OR2J3: variants seen among roughly 807,000 people sequenced by gnomAD.
OR2J3 encodes the protein olfactory receptor 2J3.
Under a neutral mutation model 18.5 loss-of-function variants are expected in OR2J3, and 13 were observed. The ratio of observed to expected loss-of-function variants is 0.70; its 90% CI spans 0.46 to 1.12. The LOEUF is 1.12. Among genes scored for constraint, OR2J3 ranks in the 50% most tolerant of loss-of-function variants. OR2J3 has a pLI of 0.00. For missense variants in OR2J3, 321 were observed against 371.6 expected, an observed-to-expected ratio of 0.86 and a Z score of 1.12; for synonymous variants, 142 against 140.6, an observed-to-expected ratio of 1.01 and a Z score of -0.07.
rs1211296679 is a variant in OR2J3, at chr6:29,113,256, A to G, written c.*430A>G. On this transcript the variant is annotated 3_prime_UTR_variant, in exon 4 of 4. Coordinates refer to ENST00000641151, the MANE Select transcript of OR2J3 (RefSeq NM_001005216.4). ...TTTGGGCAGAATACTTTTGTCTTCTATCTTTAGTTTAGTTAAATACACAGC... is the reference window on the plus strand; with the variant it reads ...TTTGGGCAGAATACTTTTGTCTTCTGTCTTTAGTTTAGTTAAATACACAGC... 1.2e-5 allele frequency: 2 copies of G among 165,972 alleles called. No individual in the cohort carries two copies. Among genetic ancestry groups the G allele is most frequent in the Non-Finnish European group, 2.6e-5 (2 of 76,912 alleles). 10.3% of individuals were successfully genotyped at this position (165,972 alleles called of 1,614,324 possible).
In OR2J3 at chr6:29,112,275, G is replaced by C; in HGVS notation, c.385G>C (p.Val129Leu). ...GATGTCCTATGACCGTTATGCAGCT[G>C]TGTGTAGACCTTTGCATTACACTGT... ...VVMSYDRYAAVCRPLHYTVLM... is the reference protein window; with the variant it reads ...VVMSYDRYAALCRPLHYTVLM... The change falls in exon 4 of 4, where the codon GTG becomes CTG. Residue 129 changes from valine (V) to leucine (L), a missense_variant. Physicochemically the swap from Val to Leu is conservative, Grantham distance 32. Coordinates refer to ENST00000641151, the MANE Select transcript of OR2J3 (RefSeq NM_001005216.4). 6.2e-7 allele frequency: 1 copy of C among 1,614,150 alleles called. No individual in the cohort carries two copies. The highest frequency in any genetic ancestry group is 8.5e-7 in the Non-Finnish European group (1 of 1,180,036).
chr6:29,108,862 CT>C lies in OR2J3; in HGVS notation c.-22del, dbSNP rs1167592640. 2.0e-5 allele frequency: 3 copies of C among 152,284 alleles called. No individual in the cohort carries two copies. The East Asian group carries it at 5.8e-4, about 29-fold the overall frequency. The allele number at this position is 152,284 out of a possible 1,614,324, so 9.4% of individuals were successfully genotyped here. A position where few individuals can be genotyped will look rare whatever the true frequency, so the allele number is the denominator to read the frequency against. ...AACCCAGAAAAATTCCTACCTTTTC[CT>C]TGCTTGCATCTGGTAAGTTTTTGTT... On this transcript the variant is annotated 5_prime_UTR_variant, in exon 3 of 4. Transcript: ENST00000641151.
At position 29,109,539 on chromosome 6, in the gene OR2J3, T is replaced by C. The variant is rs991733003; in HGVS notation, c.-11+664T>C. The C allele has an allele frequency of 3.3e-5, 5 of 152,138 alleles. 1 individual carries two copies. Among genetic ancestry groups the C allele is most frequent in the Admixed American group, 6.5e-5 (1 of 15,268 alleles). 9.4% of individuals were successfully genotyped at this position (152,138 alleles called of 1,614,324 possible). A position where few individuals can be genotyped will look rare whatever the true frequency, so the allele number is the denominator to read the frequency against. ...GGCCCCACAATGATTTCTTTCTTCCTGTGCCATAGCCAATTGGGAGGTATA... is the reference window on the plus strand; with the variant it reads ...GGCCCCACAATGATTTCTTTCTTCCCGTGCCATAGCCAATTGGGAGGTATA... On this transcript the variant is annotated intron_variant, in intron 3 of 3. Transcript: ENST00000641151.
rs748229667 is a variant in OR2J3, at chr6:29,112,381, C to G, written c.491C>G (p.Ser164Cys). ...SGFTNSALHSSFTFWVPLCGH... is the reference protein window; with the variant it reads ...SGFTNSALHSCFTFWVPLCGH... ...TTTACCAACTCAGCACTTCATTCCT[C>G]CTTCACCTTCTGGGTACCTCTGTGT... The change falls in exon 4 of 4, where the codon TCC becomes TGC. Residue 164 changes from serine to cysteine, a missense_variant. Transcript: ENST00000641151. The G allele has an allele frequency of 6.2e-7, 1 of 1,614,006 alleles. No homozygotes were observed. Among genetic ancestry groups the G allele is most frequent in the African/African-American group, 1.3e-5 (1 of 74,910 alleles).
At position 29,112,371 on chromosome 6, in the gene OR2J3, C is replaced by T. The variant is rs1399562852; in HGVS notation, c.481C>T (p.Leu161Phe). 2 of 1,614,078 alleles carry T rather than the reference C, an allele frequency of 1.2e-6. No individual in the cohort carries two copies. Among genetic ancestry groups the T allele is most frequent in the Non-Finnish European group, 1.7e-6 (2 of 1,180,000 alleles). Residue 161 changes from leucine (L) to phenylalanine (F), a missense_variant, in exon 4 of 4, where the codon CTT becomes TTT. Transcript: ENST00000641151. ...GGTAAGTGGTTTTACCAACTCAGCACTTCATTCCTCCTTCACCTTCTGGGT... is the reference window on the plus strand; with the variant it reads ...GGTAAGTGGTTTTACCAACTCAGCATTTCATTCCTCCTTCACCTTCTGGGT... ...SWVSGFTNSA[L>F]HSSFTFWVPL...
At chr6:29,111,504 G>A (rs7754180) in intron 3 of OR2J3, 1 of 172,374 alleles carries the variant, frequency 5.8e-6, no homozygotes, top group African/African-American at 2.4e-5. Flanking sequence ...TAACTAGAAA[G>A]TTGTGAGGAG....
chr6:29,109,061 A>G (rs1388947549), intron 3 of OR2J3, among the ~76,000 whole-genome samples, 186 bp downstream of exon 3: 1 of 152,198 alleles, frequency 6.6e-6, no homozygotes, highest in African/African-American at 2.4e-5. Flanking sequence ...GAGAGAAGGT[A>G]ACTATAACAT....
chr6:29,113,458 C>G lies in OR2J3; in HGVS notation c.*632C>G, dbSNP rs1762227080. The G allele has an allele frequency of 6.6e-6, 1 of 152,114 alleles. No individual in the cohort carries two copies. The highest frequency in any genetic ancestry group is 1.5e-5 in the Non-Finnish European group (1 of 68,078). The allele number at this position is 152,114 out of a possible 1,614,324, so 9.4% of individuals were successfully genotyped here. On this transcript the variant is annotated 3_prime_UTR_variant, in exon 4 of 4. Transcript: ENST00000641151. ...TAGCAGAAGTCAGCATCTGAGATCC[C>G]TCTTTTTTGCAAGGCAGTGAGAAAT...
Position 29,111,866 on chromosome 6 carries a change from T to G in OR2J3, c.-10-15T>G, listed in dbSNP as rs920167623. The G allele has an allele frequency of 6.4e-7, 1 of 1,557,594 alleles. No individual in the cohort carries two copies. The highest frequency in any genetic ancestry group is 8.6e-7 in the Non-Finnish European group (1 of 1,156,588). On this transcript the variant is annotated splice_polypyrimidine_tract_variant and intron_variant, in intron 3 of 3. Transcript: ENST00000641151. ...TACTCGTTTTTTGAGTTTACCTTTC[T>G]TTTTTTTCTCTCAGGTAATAGGAAA...
In OR2J3 at chr6:29,112,463, G is replaced by T; in HGVS notation, c.573G>T (p.Ser191=). The change falls in exon 4 of 4, where the codon TCG becomes TCT. Residue 191 remains serine, a synonymous_variant. Coordinates refer to ENST00000641151, the MANE Select transcript of OR2J3 (RefSeq NM_001005216.4). ...FCEVPALLRL[S]CVDTHVNELT... ...AAGTTCCAGCACTTCTGCGATTATC[G>T]TGTGTTGATACCCATGTCAATGAGC... 6.2e-7 allele frequency: 1 copy of T among 1,613,982 alleles called. No individual in the cohort carries two copies. The highest frequency in any genetic ancestry group is 8.5e-7 in the Non-Finnish European group (1 of 1,179,996).
Position 29,112,458 on chromosome 6 carries a change from T to C in OR2J3, c.568T>C (p.Leu190=). Residue 190 remains leucine (L), a synonymous_variant, in exon 4 of 4, where the codon TTA becomes CTA. Transcript: ENST00000641151. ...CTGTGAAGTTCCAGCACTTCTGCGA[T>C]TATCGTGTGTTGATACCCATGTCAA... The part of the protein sequence containing the change: ...FFCEVPALLR[L]SCVDTHVNEL... 1.2e-6 allele frequency: 2 copies of C among 1,614,140 alleles called. No homozygotes were observed. Among genetic ancestry groups the C allele is most frequent in the Non-Finnish European group, 1.7e-6 (2 of 1,180,026 alleles).
rs28757581 is a variant in OR2J3 at position 29,112,227 on chromosome 6, A to G, written c.337A>G (p.Thr113Ala). 201,690 of 1,613,856 alleles carry G rather than the reference A, an allele frequency of 0.12. 15,213 individuals are homozygous for G. Among genetic ancestry groups the G allele is most frequent in the African/African-American group, 0.35 (26,042 of 74,916 alleles). The change falls in exon 4 of 4, where the codon ACA (threonine) becomes GCA (alanine). Residue 113 changes from threonine (T) to alanine (A), a missense_variant. Transcript: ENST00000641151. Reference protein sequence around the residue: ...QLYFVLALGTTECVLLVVMSY... With the variant: ...QLYFVLALGTAECVLLVVMSY... ...TTACTTTGTTCTCGCACTGGGAACC[A>G]CAGAGTGTGTCCTACTGGTGGTGAT...
rs1562549661 is a variant in OR2J3 at position 29,112,712 on chromosome 6, C to G, written c.822C>G (p.Gly274=). The G allele has an allele frequency of 6.2e-7, 1 of 1,613,996 alleles. No homozygotes were observed. Among genetic ancestry groups the G allele is most frequent in the African/African-American group, 1.3e-5 (1 of 74,916 alleles). Residue 274 remains glycine (G), a synonymous_variant, in exon 4 of 4, where the codon GGC becomes GGG. Coordinates refer to ENST00000641151, the MANE Select transcript of OR2J3 (RefSeq NM_001005216.4). ...QPPSGNSQDQ[G]KFIALFYTVV... is the part of the protein sequence containing the mutation. ...CATCAGGAAATTCTCAAGATCAAGGCAAGTTCATTGCCCTCTTTTATACTG... is the reference window on the plus strand; with the variant it reads ...CATCAGGAAATTCTCAAGATCAAGGGAAGTTCATTGCCCTCTTTTATACTG...
chr6:29,111,386 T>C (rs1299503938), intron 3 of OR2J3, among the ~76,000 whole-genome samples: 1 of 152,186 alleles, frequency 6.6e-6, no homozygotes, highest in Non-Finnish European at 1.5e-5. Context: ...AGGCTCATGA[T>C]GTTGGTTTGT....
intron 3 of OR2J3, among the ~76,000 whole-genome samples, chr6:29,110,232 A>G (rs1762074791): frequency 6.6e-6 from 1 of 152,198 alleles, no homozygotes; most frequent in African/African-American, 2.4e-5. Flanking sequence ...CGTATCATGA[A>G]TACCCATATA....
chr6:29,110,851 CTATT>C (rs1349548250), intron 3 of OR2J3, among the ~76,000 whole-genome samples: 7 of 115,208 alleles, frequency 6.1e-5, no homozygotes, highest in Non-Finnish European at 9.4e-5. Context: ...AACTATCTAT[CTATT>C]TATCTATCTA....
chr6:29,111,761 C>T, intron 3 of OR2J3, 120 bp from the exon 4 acceptor site: 4 of 822,584 alleles, frequency 4.9e-6, no homozygotes, highest in South Asian at 1.8e-5. Flanking sequence ...TTAAATTGTC[C>T]TACAATTAAA....
Position 29,112,319 on chromosome 6 carries a change from C to T in OR2J3, c.429C>T (p.Phe143=). Reference sequence around the variant, plus strand: ...ACACTGTCCTCATGCACCCTCGTTTCTGCCACCTGCTGGCTGTGGCTTCTT... The same window carrying T: ...ACACTGTCCTCATGCACCCTCGTTTTTGCCACCTGCTGGCTGTGGCTTCTT... ...LHYTVLMHPR[F]CHLLAVASWV... The change falls in exon 4 of 4, where the codon TTC becomes TTT. Residue 143 remains phenylalanine (F), a synonymous_variant. Coordinates refer to ENST00000641151, the MANE Select transcript of OR2J3 (RefSeq NM_001005216.4). The T allele has an allele frequency of 1.2e-6, 2 of 1,614,154 alleles. No homozygotes were observed. Among genetic ancestry groups the T allele is most frequent in the Non-Finnish European group, 1.7e-6 (2 of 1,180,032 alleles).
chr6:29,111,942 G>A lies in OR2J3; in HGVS notation c.52G>A (p.Val18Ile), dbSNP rs1762140423. Residue 18 changes from valine (V) to isoleucine (I), a missense_variant, in exon 4 of 4, where the codon GTT becomes ATT. By Grantham distance (29) the Val-to-Ile change is conservative (BLOSUM62 3). Transcript: ENST00000641151. ...TAGCTCTGAGGGGTACTTTATTTTA[G>A]TTGGATTTTCTAATTGGCCTCATCT... ...NASSEGYFILVGFSNWPHLEV... is the reference protein window; with the variant it reads ...NASSEGYFILIGFSNWPHLEV... The A allele has an allele frequency of 3.7e-6, 6 of 1,613,794 alleles. No homozygotes were observed. The highest frequency in any genetic ancestry group is 4.2e-6 in the Non-Finnish European group (5 of 1,179,950).
Sources: gnomAD v4.1 joint callset for allele counts (sites outside exome capture counted in the v4.1 genomes callset) on GRCh38, gnomAD v4.1.1 for gene constraint, MANE v1.5 for transcripts, NCBI Gene and HGNC (gene_info 2026-07-23, HGNC 2026-07-21) for gene names.